Variants in B4GALT4 observed in about 807,000 individuals in gnomAD.
B4GALT4 encodes the protein N-acetyllactosamine synthase.
Under a neutral mutation model 37.3 loss-of-function variants are expected in B4GALT4, and 27 were observed. The ratio of observed to expected loss-of-function variants is 0.72; its 90% CI spans 0.53 to 1.00. B4GALT4 has a LOEUF of 1.00. B4GALT4 is among the 50% of genes least tolerant of loss of function. The pLI is 0.00. For missense variants in B4GALT4, 372 were observed against 413.1 expected, an observed-to-expected ratio of 0.90 and a Z score of 0.86; for synonymous variants, 148 against 154.1, an observed-to-expected ratio of 0.96 and a Z score of 0.29.
chr3:119,230,179 A>C lies in B4GALT4; in HGVS notation c.-80T>G. 1.3e-6 allele frequency: 2 copies of C among 1,542,614 alleles called. No individual in the cohort carries two copies. Among genetic ancestry groups the C allele is most frequent in the South Asian group, 2.5e-5 (2 of 81,384 alleles). On this transcript the variant is annotated 5_prime_UTR_variant, in exon 3 of 8. Coordinates refer to ENST00000393765, the MANE Select transcript of B4GALT4 (RefSeq NM_003778.4). The stretch of plus-strand genomic sequence containing the variant: ...CTTCAAGTTGAGCTTTTCCAATCTG[A>C]TTGCGAACTTGATGACAACTGAAGA...
intron 3 of B4GALT4, among the ~76,000 whole-genome samples, chr3:119,229,423 C>T (rs2078739442): frequency 6.6e-6 from 1 of 152,224 alleles, no homozygotes; most frequent in African/African-American, 2.4e-5. Flanking sequence ...ACCATAAGAA[C>T]AGATCTCACA....
chr3:119,233,067 C>G (rs187128760), intron 2 of B4GALT4: 14 of 152,408 alleles, frequency 9.2e-5, no homozygotes, highest in African/African-American at 3.4e-4. Context: ...CTTGGCCTCC[C>G]AAAGTGCTAG....
At chr3:119,230,341 C>T in intron 2 of B4GALT4, 97 bp from the exon 3 acceptor site, 1 of 535,952 alleles carries the variant, frequency 1.9e-6, no homozygotes, top group Non-Finnish European at 3.3e-6. Flanking sequence ...CCCGATGGAC[C>T]TTGACTAACC....
chr3:119,224,642 CAAT>C (rs2078548895), intron 4 of B4GALT4, among the ~76,000 whole-genome samples: 1 of 151,966 alleles, frequency 6.6e-6, no homozygotes, highest in South Asian at 2.1e-4. Flanking sequence ...ACTGCACACT[CAAT>C]AATAGTTAAG....
intron 2 of B4GALT4, among the ~76,000 whole-genome samples, chr3:119,231,809 T>A (rs1008838381): frequency 5.7e-5 from 6 of 105,174 alleles, no homozygotes; most frequent in Non-Finnish European, 9.7e-5. Context: ...TATAAAATAA[T>A]ATATTTTATA....
intron 2 of B4GALT4, among the ~76,000 whole-genome samples, chr3:119,231,730 TTA>T (rs1461970680): frequency 1.4e-5 from 2 of 146,756 alleles, no homozygotes; most frequent in Non-Finnish European, 3.0e-5. Context: ...TTAATAATTT[TTA>T]TTTTTATAAA....
At chr3:119,228,705 C>A (rs2078703815) in intron 3 of B4GALT4, among the ~76,000 whole-genome samples, 1 of 152,180 alleles carries the variant, frequency 6.6e-6, no homozygotes, top group Non-Finnish European at 1.5e-5. Flanking sequence ...GACTGAATGT[C>A]TGTGTCCCCA....
chr3:119,230,462 C>A, intron 2 of B4GALT4: 1 of 234,600 alleles, frequency 4.3e-6, no homozygotes, highest in Non-Finnish European at 8.4e-6. Context: ...GCCAGGCTGT[C>A]TGCCACCCAA....
At chr3:119,216,756 TGGCC>T in intron 6 of B4GALT4, among the ~76,000 whole-genome samples, 1 of 152,240 alleles carries the variant, frequency 6.6e-6, no homozygotes, top group Non-Finnish European at 1.5e-5. Context: ...AAGAAAGGAA[TGGCC>T]ATTTATGGTC....
In B4GALT4 at chr3:119,229,926, C is replaced by T. The variant is rs1272697991; in HGVS notation, c.174G>A (p.Gly58=). The T allele has an allele frequency of 9.3e-6, 15 of 1,614,026 alleles. No individual in the cohort carries two copies. The highest frequency in any genetic ancestry group is 1.3e-5 in the Non-Finnish European group (15 of 1,180,032). ...CTTCATTAGTCAGAGTTTTTCCCTTCCCCAAAATGAGGGTCTTATGGAAAT... is the reference window on the plus strand; with the variant it reads ...CTTCATTAGTCAGAGTTTTTCCCTTTCCCAAAATGAGGGTCTTATGGAAAT... ...MANFHKTLIL[G]KGKTLTNEAS... is the part of the protein sequence containing the mutation. The change falls in exon 3 of 8, where the codon GGG becomes GGA. Residue 58 remains glycine (G), a synonymous_variant. Transcript: ENST00000393765.
intron 7 of B4GALT4, 48 bp downstream of exon 7, chr3:119,216,192 G>C (rs764194000): frequency 2.6e-5 from 37 of 1,430,922 alleles, no homozygotes; most frequent in Non-Finnish European, 3.4e-5. Context: ...CTTATTGACA[G>C]AACAGACTAG....
chr3:119,217,826 G>A (rs1422605785), intron 6 of B4GALT4, among the ~76,000 whole-genome samples: 1 of 121,002 alleles, frequency 8.3e-6, no homozygotes, highest in East Asian at 2.6e-4. Context: ...CTGGGTGACA[G>A]AGCGAGACTT....
chr3:119,227,104 C>T lies in B4GALT4; in HGVS notation c.254-63G>A, dbSNP rs532480541. On this transcript the variant is annotated intron_variant, in intron 3 of 7. Coordinates refer to ENST00000393765, the MANE Select transcript of B4GALT4 (RefSeq NM_003778.4). ...ACTTCAAAAAGTGTTGAGGTTTACACGAGCTAATATGCATAGAAAGAACAC... is the reference window on the plus strand; with the variant it reads ...ACTTCAAAAAGTGTTGAGGTTTACATGAGCTAATATGCATAGAAAGAACAC... The T allele has an allele frequency of 3.2e-5, 45 of 1,427,916 alleles. 1 individual carries two copies. Among genetic ancestry groups the T allele is most frequent in the South Asian group, 3.0e-4 (25 of 84,292 alleles). The allele number at this position is 1,427,916 out of a possible 1,614,324, so 88.5% of individuals were successfully genotyped here.
Position 119,217,830 on chromosome 3 carries a change from G to A in B4GALT4, c.797+820C>T, listed in dbSNP as rs961529554. On this transcript the variant is annotated intron_variant, in intron 6 of 7. Coordinates refer to ENST00000393765, the MANE Select transcript of B4GALT4 (RefSeq NM_003778.4). ...TGCACTCCAGCCTGGGTGACAGAGCGAGACTTTGTCTCAAAAAAAAAAAAA... is the reference window on the plus strand; with the variant it reads ...TGCACTCCAGCCTGGGTGACAGAGCAAGACTTTGTCTCAAAAAAAAAAAAA... 9.2e-5 allele frequency among the ~76,000 whole-genome samples: 12 copies of A among 130,742 alleles called. No individual in the cohort carries two copies. The South Asian group carries it at 1.1e-3, about 12-fold the overall frequency. The allele number at this position is 130,742 out of a possible 152,430, so 85.8% of individuals were successfully genotyped here. A position where few individuals can be genotyped will look rare whatever the true frequency, so the allele number is the denominator to read the frequency against.
intron 5 of B4GALT4, among the ~76,000 whole-genome samples, chr3:119,223,812 T>A (rs1241089149): frequency 6.6e-6 from 1 of 152,266 alleles, no homozygotes; most frequent in African/African-American, 2.4e-5. Context: ...GGCCACCACC[T>A]GCAATGCTTG....
intron 3 of B4GALT4, 86 bp from the exon 4 acceptor site, chr3:119,227,127 C>A: frequency 8.8e-7 from 1 of 1,142,646 alleles, no homozygotes; most frequent in South Asian, 1.4e-5. Flanking sequence ...ATAGAAAGAA[C>A]ACTGCCCAGC....
intron 1 of B4GALT4, among the ~76,000 whole-genome samples, chr3:119,239,836 C>T (rs2079094209): frequency 6.6e-6 from 1 of 152,084 alleles, no homozygotes; most frequent in African/African-American, 2.4e-5. Context: ...GCATTATCTC[C>T]TCTCCCAAGA....
rs150597327 is a variant in B4GALT4, at chr3:119,225,052, T to C, written c.487-807A>G. ...GAAAGGATCAAGAAATCTCAACCTA[T>C]AGAAAGAGAAAGTTATTGCTAATAT... is the stretch of plus-strand genomic sequence containing the variant. On this transcript the variant is annotated intron_variant, in intron 4 of 7. Transcript: ENST00000393765. Among the ~76,000 whole-genome samples, 100 of 152,288 alleles carry C rather than the reference T, an allele frequency of 6.6e-4. 1 individual carries two copies. The highest frequency in any genetic ancestry group is 2.3e-3 in the African/African-American group (97 of 41,566).
chr3:119,218,879 C>T, intron 5 of B4GALT4, 107 bp from the exon 6 acceptor site: 3 of 1,341,664 alleles, frequency 2.2e-6, no homozygotes, highest in South Asian at 2.7e-5. Flanking sequence ...CTTCCACCCA[C>T]CCACTCCTGC....
Sources: allele counts gnomAD v4.1 joint callset (sites outside exome capture counted in the v4.1 genomes callset), GRCh38; gene constraint gnomAD v4.1.1; transcripts MANE v1.5; gene names NCBI Gene and HGNC (gene_info 2026-07-23, HGNC 2026-07-21).